The following CALD1 variants were observed in gnomAD, a reference collection of about 807,000 sequenced individuals.
CALD1 encodes caldesmon.
Under a neutral mutation model 99.9 loss-of-function variants are expected in CALD1, and 33 were observed. That is an observed-to-expected ratio of 0.33 (90% CI 0.25 to 0.44). The LOEUF (loss-of-function observed/expected upper bound fraction) is 0.44. Among genes scored for constraint, CALD1 ranks in the 20% least tolerant of loss-of-function variants. CALD1 has a pLI of 1.00. For missense variants in CALD1, 861 were observed against 962.1 expected (o/e 0.89, Z 1.39); for synonymous variants, 310 against 325.0 (o/e 0.95, Z 0.50).
At chr7:134,785,750 C>T (rs1005973676) in intron 1 of CALD1, among the ~76,000 whole-genome samples, 4 of 152,188 alleles carry the variant, frequency 2.6e-5, no homozygotes, top group Middle Eastern at 3.4e-3. Flanking sequence ...TATGCTGAAC[C>T]GATAAGGGAT....
chr7:134,839,465 C>G (rs1156338235), intron 1 of CALD1, among the ~76,000 whole-genome samples: 3 of 152,180 alleles, frequency 2.0e-5, no homozygotes, highest in Admixed American at 2.0e-4. Context: ...TACAAATATT[C>G]AGCTTTAGCA....
chr7:134,788,109 C>T (rs563939828), intron 1 of CALD1, among the ~76,000 whole-genome samples: 2 of 152,306 alleles, frequency 1.3e-5, no homozygotes, highest in African/African-American at 2.4e-5. Flanking sequence ...AGTTGTAAAA[C>T]ACAGCCATTA....
intron 1 of CALD1, among the ~76,000 whole-genome samples, chr7:134,745,277 A>T (rs1388243074): frequency 1.3e-5 from 2 of 152,254 alleles, no homozygotes; most frequent in Admixed American, 1.3e-4. Context: ...AAATTTGGTC[A>T]GAATTAGTTG....
rs1805759278 is a variant in CALD1 at position 134,934,082 on chromosome 7, A to T, written c.1308+5A>T. On this transcript the variant is annotated splice_donor_5th_base_variant and intron_variant, in intron 5 of 14. Transcript: ENST00000361675. The stretch of plus-strand genomic sequence containing the variant: ...ACAGCTGTCCTAAAGAAACAGGTAC[A>T]GTAAACATTTTGCACCAAATGTGTG... The T allele has an allele frequency of 6.3e-7, 1 of 1,598,364 alleles. No individual in the cohort carries two copies. Among genetic ancestry groups the T allele is most frequent in the Non-Finnish European group, 8.5e-7 (1 of 1,174,532 alleles).
intron 1 of CALD1, among the ~76,000 whole-genome samples, chr7:134,821,089 T>G (rs907791588): frequency 3.9e-5 from 6 of 152,182 alleles, no homozygotes; most frequent in African/African-American, 1.4e-4. Context: ...CTGTTGGAAT[T>G]TGTGATTACA....
At chr7:134,754,752 C>T (rs1562989282) in intron 1 of CALD1, among the ~76,000 whole-genome samples, 4 of 151,542 alleles carry the variant, frequency 2.6e-5, no homozygotes, top group African/African-American at 7.3e-5. Flanking sequence ...AACTACTAAA[C>T]GCTAACTATG....
Position 134,960,565 on chromosome 7 carries a change from C to T in CALD1, c.2232C>T (p.Ser744=). 1 of 1,613,346 alleles carries T rather than the reference C, an allele frequency of 6.2e-7. No homozygotes were observed. ...CTGGCTTGAAGGTAGGGGTTTCTAG[C>T]CGCATCAATGAATGGCTAACTAAAA... The part of the protein sequence containing the change: ...ETAGLKVGVS[S]RINEWLTKTP... The change falls in exon 13 of 15, where the codon AGC becomes AGT. Residue 744 remains serine, a synonymous_variant. Transcript: ENST00000361675.
At chr7:134,846,780 C>A (rs964287922) in intron 2 of CALD1, among the ~76,000 whole-genome samples, 5 of 152,186 alleles carry the variant, frequency 3.3e-5, no homozygotes, top group African/African-American at 1.2e-4. Flanking sequence ...CATTGAGATA[C>A]CAGCTTTCTT....
chr7:134,863,624 C>T (rs1800661304), intron 2 of CALD1, among the ~76,000 whole-genome samples: 1 of 152,166 alleles, frequency 6.6e-6, no homozygotes, highest in Non-Finnish European at 1.5e-5. Context: ...ACTAGTTCCC[C>T]TTATAAAGGC....
chr7:134,822,892 T>A (rs114866839), intron 1 of CALD1, among the ~76,000 whole-genome samples: 2 of 152,346 alleles, frequency 1.3e-5, no homozygotes, highest in South Asian at 4.1e-4. Flanking sequence ...AAGCAGAAAC[T>A]ATGCTTTAAT....
intron 1 of CALD1, among the ~76,000 whole-genome samples, chr7:134,752,768 A>C (rs1256313679): frequency 6.6e-6 from 1 of 152,144 alleles, no homozygotes; most frequent in Non-Finnish European, 1.5e-5. Flanking sequence ...TAGGAGGCCG[A>C]GGCGGGCAGA....
chr7:134,923,126 A>G (rs1804738572), intron 3 of CALD1, among the ~76,000 whole-genome samples: 2 of 152,224 alleles, frequency 1.3e-5, no homozygotes, highest in Non-Finnish European at 2.9e-5. Flanking sequence ...CAAAATATCC[A>G]ATGAGCCATG....
rs1343379715 is a variant in CALD1 at position 134,970,572 on chromosome 7, T to C, written c.*2227T>C. 12 of 152,658 alleles carry C rather than the reference T, an allele frequency of 7.9e-5. No individual in the cohort carries two copies. The highest frequency in any genetic ancestry group is 7.2e-4 in the Admixed American group (11 of 15,284). The allele number at this position is 152,658 out of a possible 1,614,324, so 9.5% of individuals were successfully genotyped here. A position where few individuals can be genotyped will look rare whatever the true frequency, so the allele number is the denominator to read the frequency against. On this transcript the variant is annotated 3_prime_UTR_variant, in exon 15 of 15. Transcript: ENST00000361675. Reference sequence around the variant, plus strand: ...ATAAACACTTGATACTTTTCACTGATAATGGATCGCTCCAATAAACATATA... The same window carrying C: ...ATAAACACTTGATACTTTTCACTGACAATGGATCGCTCCAATAAACATATA...
chr7:134,786,338 G>A (rs1010280360), intron 1 of CALD1, among the ~76,000 whole-genome samples: 1 of 152,170 alleles, frequency 6.6e-6, no homozygotes, highest in African/African-American at 2.4e-5. Context: ...TGAATTCATA[G>A]TAGCTTTTAA....
intron 1 of CALD1, among the ~76,000 whole-genome samples, chr7:134,822,966 C>T (rs969561399): frequency 1.2e-4 from 19 of 152,136 alleles, no homozygotes; most frequent in Non-Finnish European, 1.8e-4. Flanking sequence ...GTACTCAAGT[C>T]AACAATGTGG....
intron 9 of CALD1, among the ~76,000 whole-genome samples, chr7:134,955,004 TTTTC>T (rs1807656642): frequency 6.6e-6 from 1 of 152,228 alleles, no homozygotes; most frequent in South Asian, 2.1e-4. Context: ...CACAGCATTT[TTTTC>T]TTTAATATTG....
At chr7:134,762,291 G>T (rs1217208847) in intron 1 of CALD1, among the ~76,000 whole-genome samples, 7 of 152,168 alleles carry the variant, frequency 4.6e-5, no homozygotes, top group African/African-American at 1.7e-4. Context: ...GGAGCATCTG[G>T]CCCTAAATAG....
chr7:134,835,983 A>G (rs1799419572), intron 1 of CALD1, among the ~76,000 whole-genome samples: 1 of 151,876 alleles, frequency 6.6e-6, no homozygotes, highest in South Asian at 2.1e-4. Flanking sequence ...CGTCTCTACT[A>G]AAAATACAAA....
chr7:134,767,187 C>T (rs533770060), intron 1 of CALD1, among the ~76,000 whole-genome samples: 2 of 134,056 alleles, frequency 1.5e-5, no homozygotes, highest in African/African-American at 2.8e-5. Context: ...CTCTCTCTCT[C>T]TCTGTCTCTG....
Sources: gnomAD v4.1 joint callset for allele counts (sites outside exome capture counted in the v4.1 genomes callset) on GRCh38, gnomAD v4.1.1 for gene constraint, MANE v1.5 for transcripts, NCBI Gene and HGNC (gene_info 2026-07-23, HGNC 2026-07-21) for gene names.